The following PARD3 variants were observed in gnomAD, a reference collection of about 807,000 sequenced individuals.
PARD3 encodes par-3 family cell polarity regulator.
A neutral mutation model predicts 155.4 loss-of-function variants in PARD3; 75 were observed. The observed-to-expected ratio is 0.48, with a 90% CI of 0.40 to 0.58. PARD3 has a LOEUF of 0.58. Ranked by LOEUF, PARD3 falls within the 20% of genes least tolerant of loss-of-function variation. The pLI is 0.00. For missense variants in PARD3, 1,642 were observed against 1,721.7 expected, an observed-to-expected ratio of 0.95 and a Z score of 0.82; for synonymous variants, 576 against 610.5, an observed-to-expected ratio of 0.94 and a Z score of 0.83.
intron 22 of PARD3, among the ~76,000 whole-genome samples, chr10:34,231,307 CA>C (rs1952919656): frequency 8.8e-6 from 1 of 113,564 alleles, no homozygotes; most frequent in South Asian, 3.3e-4. Flanking sequence ...TCATTAACTA[CA>C]AAGAATCAAC....
rs550488104 is a variant in PARD3, at chr10:34,649,869, CT to C, written c.222+46448del. Among the ~76,000 whole-genome samples, 210 of 152,312 alleles carry C rather than the reference CT, an allele frequency of 1.4e-3. 1 individual carries two copies. The highest frequency in any genetic ancestry group is 4.6e-3 in the African/African-American group (190 of 41,570). On this transcript the variant is annotated intron_variant, in intron 2 of 24. Transcript: ENST00000374788. ...TTCCTTTCTATCCTTATCCTATAAA[CT>C]TTTTTCCATTTTTAAATTATGGTTT... is the stretch of plus-strand genomic sequence containing the variant.
rs529308351 is a variant in PARD3 at position 34,746,927 on chromosome 10, C to A, written c.121-50508G>T. Reference sequence around the variant, plus strand: ...GACACCCTGACTTCTGCAGTGGACACCCAGGCTGCCGGGGTTCAGGGTCAC... The same window carrying A: ...GACACCCTGACTTCTGCAGTGGACAACCAGGCTGCCGGGGTTCAGGGTCAC... On this transcript the variant is annotated intron_variant, in intron 1 of 24. Coordinates refer to ENST00000374788, the MANE Select transcript of PARD3 (RefSeq NM_001184785.2). 5.3e-5 allele frequency among the ~76,000 whole-genome samples: 8 copies of A among 152,322 alleles called. No homozygotes were observed. In the East Asian group the frequency reaches 1.5e-3, roughly 29 times the overall value.
rs535948089 is a variant in PARD3, at chr10:34,168,149, G to C, written c.3420-36566C>G. On this transcript the variant is annotated intron_variant, in intron 22 of 24. Transcript: ENST00000374788. ...AGCTTTGGTATCTGTTGTTGAAATAGTGTTCTGAGATGTGAAGCTTAAATA... is the reference window on the plus strand; with the variant it reads ...AGCTTTGGTATCTGTTGTTGAAATACTGTTCTGAGATGTGAAGCTTAAATA... 4.6e-5 allele frequency among the ~76,000 whole-genome samples: 7 copies of C among 152,174 alleles called. No homozygotes were observed. The South Asian group carries it at 1.0e-3, about 23-fold the overall frequency.
chr10:34,130,634 C>T (rs1438247635), intron 23 of PARD3, among the ~76,000 whole-genome samples: 2 of 152,174 alleles, frequency 1.3e-5, no homozygotes, highest in Non-Finnish European at 2.9e-5. Context: ...TAGGGTGAGA[C>T]ACAAGATCAG....
intron 1 of PARD3, among the ~76,000 whole-genome samples, chr10:34,776,848 C>CG (rs1839611897): frequency 7.7e-5 from 1 of 13,050 alleles, no homozygotes; most frequent in African/African-American, 2.9e-4. Context: ...GGGGGGGGGG[C>CG]GGGTGGGGGA....
At chr10:34,495,827 T>G (rs2080240972) in intron 3 of PARD3, among the ~76,000 whole-genome samples, 2 of 135,078 alleles carry the variant, frequency 1.5e-5, no homozygotes, top group South Asian at 4.2e-4. Context: ...AATGATATCT[T>G]TTAAAAAGAA....
chr10:34,346,760 T>C (rs1369118599), intron 15 of PARD3, among the ~76,000 whole-genome samples: 1 of 152,218 alleles, frequency 6.6e-6, no homozygotes, highest in Non-Finnish European at 1.5e-5. Flanking sequence ...AAGAAAAATG[T>C]TGACAAAGTA....
intron 1 of PARD3, among the ~76,000 whole-genome samples, chr10:34,726,618 G>A (rs1174992964): frequency 1.3e-5 from 2 of 151,940 alleles, no homozygotes; most frequent in Admixed American, 6.6e-5. Flanking sequence ...ACAATTAGCT[G>A]GGCGTGGTGA....
At position 34,331,286 on chromosome 10, in the gene PARD3, C is replaced by T. The variant is rs752923738; in HGVS notation, c.2664G>A (p.Glu888=). 1.2e-6 allele frequency: 2 copies of T among 1,614,006 alleles called. No individual in the cohort carries two copies. Among genetic ancestry groups the T allele is most frequent in the South Asian group, 2.2e-5 (2 of 91,072 alleles). ...CCTCGGCAACTGCGGTCTGCAGACT[C>T]TCCAACGAGCTTGACTTCTTCAGAC... is the stretch of plus-strand genomic sequence containing the variant. The part of the protein sequence containing the change: ...SLGLKKSSSL[E]SLQTAVAEVT... The change falls in exon 19 of 25, where the codon GAG becomes GAA. Residue 888 remains glutamate, a synonymous_variant. Transcript: ENST00000374788.
At chr10:34,366,707 A>G (rs918803632) in intron 12 of PARD3, among the ~76,000 whole-genome samples, 2 of 152,214 alleles carry the variant, frequency 1.3e-5, no homozygotes, top group African/African-American at 4.8e-5. Flanking sequence ...TTTTTAACTA[A>G]GAGAAAGATT....
At chr10:34,747,203 C>T (rs1385209973) in intron 1 of PARD3, among the ~76,000 whole-genome samples, 2 of 152,122 alleles carry the variant, frequency 1.3e-5, no homozygotes, top group Non-Finnish European at 2.9e-5. Context: ...GCTTTTTTGG[C>T]TTTTTTTCTT....
chr10:34,505,763 T>C (rs1055257794), intron 3 of PARD3, among the ~76,000 whole-genome samples: 1 of 152,252 alleles, frequency 6.6e-6, no homozygotes, highest in African/African-American at 2.4e-5. Context: ...GTGTAATGAT[T>C]TTTAATTTCA....
intron 22 of PARD3, among the ~76,000 whole-genome samples, chr10:34,193,062 C>T (rs1174372008): frequency 6.6e-6 from 1 of 152,208 alleles, no homozygotes; most frequent in Non-Finnish European, 1.5e-5. Flanking sequence ...ACAAGCTTCT[C>T]AGAATTATAC....
chr10:34,457,506 G>A (rs1400092115), intron 4 of PARD3, among the ~76,000 whole-genome samples: 1 of 152,206 alleles, frequency 6.6e-6, no homozygotes, highest in Non-Finnish European at 1.5e-5. Context: ...CAGGGATCTG[G>A]AGAAGTGATA....
intron 3 of PARD3, among the ~76,000 whole-genome samples, chr10:34,491,782 A>G (rs2079926201): frequency 6.6e-6 from 1 of 152,240 alleles, no homozygotes; most frequent in South Asian, 2.1e-4. Flanking sequence ...TTTAAGTAGC[A>G]CTTTTACAAC....
chr10:34,641,032 TTAG>T (rs966509834), intron 2 of PARD3, among the ~76,000 whole-genome samples: 1 of 152,126 alleles, frequency 6.6e-6, no homozygotes, highest in African/African-American at 2.4e-5. Flanking sequence ...AGAGTATACC[TTAG>T]TAGATTTGTT....
intron 22 of PARD3, among the ~76,000 whole-genome samples, chr10:34,183,685 A>C (rs549580536): frequency 6.6e-6 from 1 of 152,340 alleles, no homozygotes; most frequent in Non-Finnish European, 1.5e-5. Context: ...GGCTACGTAA[A>C]TAACACACCG....
intron 12 of PARD3, among the ~76,000 whole-genome samples, chr10:34,365,011 T>C (rs970918038): frequency 1.3e-4 from 20 of 152,186 alleles, no homozygotes; most frequent in African/African-American, 4.8e-4. Context: ...AAAATAATGA[T>C]ATTTAATACT....
chr10:34,241,412 G>C (rs1953585918), intron 22 of PARD3, among the ~76,000 whole-genome samples: 1 of 152,148 alleles, frequency 6.6e-6, no homozygotes, highest in African/African-American at 2.4e-5. Flanking sequence ...GAGGGTGGTG[G>C]GAGACCCGGT....
Sources: allele counts gnomAD v4.1 joint callset (sites outside exome capture counted in the v4.1 genomes callset), GRCh38; gene constraint gnomAD v4.1.1; transcripts MANE v1.5; gene names NCBI Gene and HGNC (gene_info 2026-07-23, HGNC 2026-07-21).